The following ARSB variants were observed in gnomAD, a reference collection of about 807,000 sequenced individuals.
ARSB encodes arylsulfatase B.
In ARSB, 41 loss-of-function variants were observed where a neutral mutation model predicts 50.9. That is an observed-to-expected ratio of 0.81 (90% CI 0.63 to 1.04). The LOEUF is 1.04. Among genes scored for constraint, ARSB ranks in the 50% least tolerant of loss-of-function variants. The pLI, the probability that ARSB is intolerant of heterozygous loss-of-function variation, is 0.00. For synonymous variants in ARSB, 269 were observed against 284.8 expected (o/e 0.94, Z 0.56); for missense variants, 672 against 693.3 (o/e 0.97, Z 0.35).
intron 4 of ARSB, among the ~76,000 whole-genome samples, chr5:78,944,131 G>A (rs1311278104): frequency 6.6e-6 from 1 of 152,228 alleles, no homozygotes; most frequent in Admixed American, 6.5e-5. Context: ...AGCTCCATCA[G>A]GTCCTTTAAG....
At chr5:78,855,962 C>A (rs931342098) in intron 5 of ARSB, among the ~76,000 whole-genome samples, 8 of 152,138 alleles carry the variant, frequency 5.3e-5, no homozygotes, top group Non-Finnish European at 1.2e-4. Flanking sequence ...TGTGCTCCTC[C>A]TCAGTTATTT....
At chr5:78,801,781 C>T (rs1368172867) in intron 6 of ARSB, among the ~76,000 whole-genome samples, 4 of 152,058 alleles carry the variant, frequency 2.6e-5, no homozygotes, top group Non-Finnish European at 5.9e-5. Context: ...CAGAGAAGCA[C>T]GCTGGCCTTG....
At position 78,954,213 on chromosome 5, in the gene ARSB, T is replaced by C. The variant is rs1288795743; in HGVS notation, c.898+1082A>G. 2.0e-5 allele frequency among the ~76,000 whole-genome samples: 3 copies of C among 152,116 alleles called. No homozygotes were observed. The East Asian group carries it at 5.8e-4, about 29-fold the overall frequency. Reference sequence around the variant, plus strand: ...GACGGAGGGCCACACAATTCCAAAATAAATCATATAAGAAAATTCCCCATA... The same window carrying C: ...GACGGAGGGCCACACAATTCCAAAACAAATCATATAAGAAAATTCCCCATA... On this transcript the variant is annotated intron_variant, in intron 4 of 7. Coordinates refer to ENST00000264914, the MANE Select transcript of ARSB (RefSeq NM_000046.5).
In ARSB at chr5:78,930,005, C is replaced by T. The variant is rs1429076493; in HGVS notation, c.898+25290G>A. On this transcript the variant is annotated intron_variant, in intron 4 of 7. Coordinates refer to ENST00000264914, the MANE Select transcript of ARSB (RefSeq NM_000046.5). ...ATCACAACCCACCATAGACACCAAC[C>T]GGTCAGGCCACTCCCTCCAGCGACT... Among the ~76,000 whole-genome samples, 8 of 152,220 alleles carry T rather than the reference C, an allele frequency of 5.3e-5. No homozygotes were observed. The East Asian group carries it at 1.2e-3, about 22-fold the overall frequency.
intron 6 of ARSB, among the ~76,000 whole-genome samples, chr5:78,836,274 T>C (rs1481891282): frequency 1.3e-5 from 2 of 152,234 alleles, no homozygotes; most frequent in Non-Finnish European, 2.9e-5. Flanking sequence ...GGCACCTTGC[T>C]ACCTGCAGGC....
At chr5:78,800,631 G>T (rs1002364405) in intron 6 of ARSB, among the ~76,000 whole-genome samples, 11 of 152,144 alleles carry the variant, frequency 7.2e-5, no homozygotes, top group Non-Finnish European at 1.6e-4. Flanking sequence ...TTTTTGGAGG[G>T]TGTGCAAGGT....
intron 5 of ARSB, among the ~76,000 whole-genome samples, chr5:78,882,152 G>C (rs1411668181): frequency 6.6e-6 from 1 of 152,212 alleles, no homozygotes; most frequent in Admixed American, 6.5e-5. Context: ...AAACAAGTTA[G>C]GCCAGATAAC....
Position 78,955,438 on chromosome 5 carries a change from A to G in ARSB, c.755T>C (p.Leu252Ser), listed in dbSNP as rs758986638. Residue 252 changes from leucine to serine, a missense_variant, in exon 4 of 8, where the codon TTG (leucine) becomes TCG (serine). By Grantham distance (145) the Leu-to-Ser change is moderately radical. Transcript: ENST00000264914. Reference protein sequence around the residue: ...HEPLQVPEEYLKPYDFIQDKN... With the variant: ...HEPLQVPEEYSKPYDFIQDKN... ...GTCTTGGATAAAGTCATATGGCTTC[A>G]AGTATTCCTCAGGGACCTGAAGGGG... is the stretch of plus-strand genomic sequence containing the variant. The G allele has an allele frequency of 6.2e-7, 1 of 1,614,114 alleles. No homozygotes were observed. The highest frequency in any genetic ancestry group is 1.7e-5 in the Admixed American group (1 of 60,012).
chr5:78,820,647 A>G (rs1327059917), intron 6 of ARSB, among the ~76,000 whole-genome samples: 3 of 152,230 alleles, frequency 2.0e-5, no homozygotes, highest in Admixed American at 2.0e-4. Flanking sequence ...TTAAAAGAAT[A>G]AAGTAGACCT....
At chr5:78,943,544 T>C (rs1389896451) in intron 4 of ARSB, among the ~76,000 whole-genome samples, 1 of 152,212 alleles carries the variant, frequency 6.6e-6, no homozygotes, top group Non-Finnish European at 1.5e-5. Context: ...TGAAGCTTAG[T>C]TTGGCTGGAT....
chr5:78,946,019 AG>A (rs1345100876), intron 4 of ARSB, among the ~76,000 whole-genome samples: 3 of 152,340 alleles, frequency 2.0e-5, no homozygotes, highest in African/African-American at 7.2e-5. Context: ...GAGTTTCCTA[AG>A]GGAGCAATAT....
At chr5:78,843,262 A>G (rs914736865) in intron 5 of ARSB, among the ~76,000 whole-genome samples, 1 of 152,242 alleles carries the variant, frequency 6.6e-6, no homozygotes, top group African/African-American at 2.4e-5. Flanking sequence ...ACAGTTTCCC[A>G]GGTGACATTG....
intron 3 of ARSB, among the ~76,000 whole-genome samples, chr5:78,962,614 G>A (rs544765221): frequency 1.6e-3 from 237 of 144,134 alleles, no homozygotes; most frequent in Non-Finnish European, 2.2e-3. Flanking sequence ...TGCAAGCTCC[G>A]CCTCCCGGGT....
chr5:78,978,823 A>C (rs1752778893), intron 1 of ARSB, among the ~76,000 whole-genome samples: 1 of 152,224 alleles, frequency 6.6e-6, no homozygotes, highest in Admixed American at 6.5e-5. Flanking sequence ...TTGTACATAA[A>C]AATGAACTCC....
At position 78,917,037 on chromosome 5, in the gene ARSB, T is replaced by C. The variant is rs1394906723; in HGVS notation, c.899-31210A>G. On this transcript the variant is annotated intron_variant, in intron 4 of 7. Transcript: ENST00000264914. ...GTGCCAGGACAGAAACCAAACACTG[T>C]GATGGGGCAGACCATGAGGGAAAAG... Among the ~76,000 whole-genome samples, 4 of 152,146 alleles carry C rather than the reference T, an allele frequency of 2.6e-5. 1 individual carries two copies. Among genetic ancestry groups the C allele is most frequent in the Admixed American group, 1.3e-4 (2 of 15,272 alleles).
intron 4 of ARSB, among the ~76,000 whole-genome samples, chr5:78,943,476 G>T (rs1165518795): frequency 6.6e-6 from 1 of 152,182 alleles, no homozygotes; most frequent in Non-Finnish European, 1.5e-5. Context: ...AGGACTGGTG[G>T]TGACAAAATC....
intron 6 of ARSB, among the ~76,000 whole-genome samples, chr5:78,835,285 A>G (rs1744900487): frequency 6.6e-6 from 1 of 152,146 alleles, no homozygotes; most frequent in East Asian, 1.9e-4. Context: ...TGGGCACCCT[A>G]TAATTTGACT....
intron 5 of ARSB, among the ~76,000 whole-genome samples, chr5:78,859,527 G>A (rs890364085): frequency 6.6e-5 from 10 of 152,060 alleles, no homozygotes; most frequent in Admixed American, 3.3e-4. Flanking sequence ...TGGCAACAGC[G>A]TTGGAAACTA....
chr5:78,821,601 G>C (rs1581003159), intron 6 of ARSB, among the ~76,000 whole-genome samples: 1 of 152,298 alleles, frequency 6.6e-6, no homozygotes, highest in East Asian at 1.9e-4. Context: ...ATTCAAGGAA[G>C]GAATTTTTAG....
Sources: allele counts gnomAD v4.1 joint callset (sites outside exome capture counted in the v4.1 genomes callset), GRCh38; gene constraint gnomAD v4.1.1; transcripts MANE v1.5; gene names NCBI Gene and HGNC (gene_info 2026-07-23, HGNC 2026-07-21).